IGSF11: variants seen among roughly 807,000 people sequenced by gnomAD.
The protein encoded by IGSF11 is CXADR like 1.
Under a neutral mutation model 41.0 loss-of-function variants are expected in IGSF11, and 22 were observed. The ratio of observed to expected loss-of-function variants is 0.54; its 90% CI spans 0.38 to 0.77. IGSF11 has a LOEUF of 0.77. Ranked by LOEUF, IGSF11 falls within the 30% of genes least tolerant of loss-of-function variation. The pLI is 0.00. For synonymous variants in IGSF11, 219 were observed against 201.3 expected, an observed-to-expected ratio of 1.09 and a Z score of -0.74; for missense variants, 444 against 530.8, an observed-to-expected ratio of 0.84 and a Z score of 1.61.
rs142082821 is a variant in IGSF11 at position 118,913,916 on chromosome 3, T to C, written c.581-8198A>G. Among the ~76,000 whole-genome samples the C allele has an allele frequency of 3.6e-3, 543 of 152,266 alleles. 3 individuals are homozygous for C. The highest frequency in any genetic ancestry group is 0.012 in the African/African-American group (488 of 41,558). On this transcript the variant is annotated intron_variant, in intron 4 of 6. Coordinates refer to ENST00000393775, the MANE Select transcript of IGSF11 (RefSeq NM_001015887.3). ...CATATCAGACAGAAGCTGAGAGTTA[T>C]GGTGGACTGAATGAAAAGGTCCAAA...
intron 1 of IGSF11, among the ~76,000 whole-genome samples, chr3:119,143,742 T>C (rs1168229069): frequency 6.6e-6 from 1 of 152,128 alleles, no homozygotes; most frequent in Non-Finnish European, 1.5e-5. Flanking sequence ...AGGACATTAA[T>C]AAGTTGAAAA....
chr3:119,028,363 T>C (rs1313331740), intron 1 of IGSF11, among the ~76,000 whole-genome samples: 2 of 152,184 alleles, frequency 1.3e-5, no homozygotes, highest in Non-Finnish European at 2.9e-5. Context: ...TCTAGAAAAG[T>C]GTCTCCAGTA....
intron 1 of IGSF11, among the ~76,000 whole-genome samples, chr3:119,042,821 T>C (rs928506039): frequency 2.6e-5 from 4 of 152,154 alleles, no homozygotes; most frequent in African/African-American, 9.7e-5. Context: ...GCTGGTGCTC[T>C]CTTGAAAACA....
At chr3:119,054,383 G>A (rs979360685) in intron 1 of IGSF11, among the ~76,000 whole-genome samples, 3 of 148,804 alleles carry the variant, frequency 2.0e-5, no homozygotes, top group Non-Finnish European at 1.5e-5. Flanking sequence ...GACATGAATA[G>A]GCAATTATCA....
At chr3:118,989,273 G>A (rs1576569109) in intron 1 of IGSF11, among the ~76,000 whole-genome samples, 1 of 152,212 alleles carries the variant, frequency 6.6e-6, no homozygotes, top group East Asian at 1.9e-4. Context: ...GACCAGTGCA[G>A]ACCTGTGAAT....
At chr3:118,920,335 ATAAAT>A (rs1313209748) in intron 4 of IGSF11, among the ~76,000 whole-genome samples, 4 of 149,960 alleles carry the variant, frequency 2.7e-5, no homozygotes, top group Admixed American at 2.0e-4. Flanking sequence ...CAAAAAATAA[ATAAAT>A]TAAATAAATA....
intron 1 of IGSF11, among the ~76,000 whole-genome samples, chr3:118,961,672 A>C (rs2107602328): frequency 6.6e-6 from 1 of 152,216 alleles, no homozygotes; most frequent in East Asian, 1.9e-4. Flanking sequence ...GATCCAGTGG[A>C]TACTAAGGGT....
In IGSF11 at chr3:119,088,899, G is replaced by C. The variant is rs1215617989; in HGVS notation, c.49+16245C>G. Among the ~76,000 whole-genome samples, 5 of 152,088 alleles carry C rather than the reference G, an allele frequency of 3.3e-5. No homozygotes were observed. The East Asian group carries it at 5.8e-4, about 18-fold the overall frequency. ...AACTCCCAAGATTGAATCAGGAAGA[G>C]ACTGAAACCATGAATAGACCAATAA... On this transcript the variant is annotated intron_variant, in intron 1 of 6. Coordinates refer to the IGSF11 transcript ENST00000354673.
At chr3:119,063,461 G>T (rs957884199) in intron 1 of IGSF11, among the ~76,000 whole-genome samples, 1 of 151,990 alleles carries the variant, frequency 6.6e-6, no homozygotes. Context: ...GCCATGAGGG[G>T]TTTTTTTGTT....
chr3:118,905,849 G>A, intron 4 of IGSF11, 131 bp from the exon 5 acceptor site: 1 of 972,084 alleles, frequency 1.0e-6, no homozygotes, highest in Non-Finnish European at 1.5e-6. Flanking sequence ...TGGGGGTAGG[G>A]TGAGAAATTA....
At chr3:119,110,630 A>T (rs1006614675) in intron 1 of IGSF11, among the ~76,000 whole-genome samples, 2 of 152,178 alleles carry the variant, frequency 1.3e-5, no homozygotes, top group African/African-American at 4.8e-5. Flanking sequence ...TGGTCCTGTC[A>T]TTATGATGTT....
At chr3:119,069,492 A>AC (rs1282116590) in intron 1 of IGSF11, among the ~76,000 whole-genome samples, 1 of 152,212 alleles carries the variant, frequency 6.6e-6, no homozygotes, top group African/African-American at 2.4e-5. Context: ...TGGCTTAAAG[A>AC]CATCTGATAA....
intron 1 of IGSF11, among the ~76,000 whole-genome samples, chr3:118,973,774 CA>C (rs1238459237): frequency 6.6e-6 from 1 of 152,110 alleles, no homozygotes; most frequent in African/African-American, 2.4e-5. Flanking sequence ...ATCATATGTG[CA>C]AAGAAGCAAT....
intron 1 of IGSF11, among the ~76,000 whole-genome samples, chr3:119,002,438 T>C (rs1441234260): frequency 6.7e-6 from 1 of 148,876 alleles, no homozygotes; most frequent in Admixed American, 6.7e-5. Context: ...TTCACTCTGA[T>C]GGTACTTTCT....
chr3:119,016,156 G>C (rs903848069), intron 1 of IGSF11, among the ~76,000 whole-genome samples: 2 of 152,208 alleles, frequency 1.3e-5, no homozygotes, highest in African/African-American at 4.8e-5. Flanking sequence ...AGCCAGGAAG[G>C]AGGCACAAAG....
intron 1 of IGSF11, among the ~76,000 whole-genome samples, chr3:119,091,645 G>T (rs149583215): frequency 6.6e-6 from 1 of 152,276 alleles, no homozygotes; most frequent in East Asian, 1.9e-4. Flanking sequence ...ATAACTGGGA[G>T]CTAAACACTG....
intron 4 of IGSF11, among the ~76,000 whole-genome samples, chr3:118,910,662 T>C (rs570369673): frequency 6.6e-6 from 1 of 152,312 alleles, no homozygotes; most frequent in East Asian, 1.9e-4. Context: ...GCATATTATA[T>C]AAAGCCTTTC....
chr3:119,022,069 A>G (rs1939347824), intron 1 of IGSF11, among the ~76,000 whole-genome samples: 1 of 152,208 alleles, frequency 6.6e-6, no homozygotes, highest in Admixed American at 6.5e-5. Context: ...AATGTGGTAT[A>G]CTCATACAAT....
At chr3:119,091,185 T>C (rs2076755677) in intron 1 of IGSF11, among the ~76,000 whole-genome samples, 1 of 152,094 alleles carries the variant, frequency 6.6e-6, no homozygotes, top group South Asian at 2.1e-4. Flanking sequence ...ATGACTATTA[T>C]TAAAAAGTCA....
Sources: gnomAD v4.1 joint callset for allele counts (sites outside exome capture counted in the v4.1 genomes callset) on GRCh38, gnomAD v4.1.1 for gene constraint, MANE v1.5 for transcripts, NCBI Gene and HGNC (gene_info 2026-07-23, HGNC 2026-07-21) for gene names.